ROBO2: variants seen among roughly 807,000 people sequenced by gnomAD.
The protein encoded by ROBO2 is roundabout guidance receptor 2.
A neutral mutation model predicts 160.8 loss-of-function variants in ROBO2; 53 were observed. The ratio of observed to expected loss-of-function variants is 0.33; its 90% CI spans 0.26 to 0.41. The LOEUF is 0.41. Ranked by LOEUF, ROBO2 falls within the 10% of genes least tolerant of loss-of-function variation. ROBO2 has a pLI of 1.00. For synonymous variants in ROBO2, 664 were observed against 611.7 expected, an observed-to-expected ratio of 1.09 and a Z score of -1.26; for missense variants, 1,577 against 1,722.4, an observed-to-expected ratio of 0.92 and a Z score of 1.49.
intron 2 of ROBO2, among the ~76,000 whole-genome samples, chr3:77,365,184 G>A (rs2070671615): frequency 6.6e-6 from 1 of 151,250 alleles, no homozygotes; most frequent in Non-Finnish European, 1.5e-5. Context: ...AAAAGAAGAG[G>A]TTCTAAGACT....
At chr3:76,657,364 G>T (rs1243936871) in intron 2 of ROBO2, among the ~76,000 whole-genome samples, 1 of 151,590 alleles carries the variant, frequency 6.6e-6, no homozygotes, top group East Asian at 2.0e-4. Context: ...GGCCAAGCTT[G>T]CAGTGAGCCG....
chr3:76,398,629 A>G (rs965269374), intron 2 of ROBO2, among the ~76,000 whole-genome samples: 3 of 151,450 alleles, frequency 2.0e-5, no homozygotes, highest in Non-Finnish European at 4.4e-5. Context: ...CACTAAACTA[A>G]TATAAATTAT....
chr3:77,005,223 C>T (rs1014116510), intron 2 of ROBO2, among the ~76,000 whole-genome samples: 3 of 152,128 alleles, frequency 2.0e-5, no homozygotes, highest in East Asian at 1.9e-4. Context: ...TGCTGTGGTG[C>T]GCCAGGTGCT....
At chr3:77,025,928 G>A (rs1022323082) in intron 2 of ROBO2, among the ~76,000 whole-genome samples, 5 of 152,162 alleles carry the variant, frequency 3.3e-5, no homozygotes, top group Non-Finnish European at 7.3e-5. Flanking sequence ...TCTGCTACAA[G>A]CACCTCAATG....
chr3:76,749,109 G>A (rs2093938620), intron 2 of ROBO2, among the ~76,000 whole-genome samples: 1 of 151,560 alleles, frequency 6.6e-6, no homozygotes, highest in Non-Finnish European at 1.5e-5. Context: ...TTCATTTTTT[G>A]TAAAAATTAT....
At chr3:77,557,741 A>G (rs2093172282) in intron 8 of ROBO2, among the ~76,000 whole-genome samples, 1 of 151,992 alleles carries the variant, frequency 6.6e-6, no homozygotes, top group South Asian at 2.1e-4. Flanking sequence ...TGGCCTTAGT[A>G]TAGTATATAT....
At chr3:76,389,507 G>C (rs568338647) in intron 2 of ROBO2, among the ~76,000 whole-genome samples, 1 of 152,172 alleles carries the variant, frequency 6.6e-6, no homozygotes, top group Admixed American at 6.5e-5. Context: ...CTTGAACTAT[G>C]ATTTCTTGTT....
chr3:76,039,740 T>G (rs1318512485), intron 2 of ROBO2, among the ~76,000 whole-genome samples: 1 of 152,060 alleles, frequency 6.6e-6, no homozygotes, highest in Non-Finnish European at 1.5e-5. Context: ...CTTACCTTGT[T>G]GAGCCTCTAT....
intron 2 of ROBO2, among the ~76,000 whole-genome samples, chr3:76,982,003 T>G (rs1327949298): frequency 1.3e-5 from 2 of 152,176 alleles, no homozygotes; most frequent in Non-Finnish European, 2.9e-5. Flanking sequence ...GGGGATTACA[T>G]TTCAACATGA....
chr3:77,382,838 C>T (rs2153489168), intron 2 of ROBO2, among the ~76,000 whole-genome samples: 1 of 152,256 alleles, frequency 6.6e-6, no homozygotes, highest in South Asian at 2.1e-4. Flanking sequence ...ATTTAGGTTG[C>T]TTCCATATCT....
chr3:77,146,695 T>TG (rs1553797374), intron 2 of ROBO2, among the ~76,000 whole-genome samples: 2 of 151,986 alleles, frequency 1.3e-5, no homozygotes, highest in Non-Finnish European at 2.9e-5. Context: ...TGGCCAGGCA[T>TG]GGTGGCTCAC....
intron 2 of ROBO2, among the ~76,000 whole-genome samples, chr3:76,225,081 A>G (rs1704201718): frequency 6.6e-6 from 1 of 152,182 alleles, no homozygotes; most frequent in South Asian, 2.1e-4. Flanking sequence ...TAACTAGTAA[A>G]TATAAATATT....
At chr3:77,498,540 A>G (rs984148583) in intron 5 of ROBO2, among the ~76,000 whole-genome samples, 1 of 152,196 alleles carries the variant, frequency 6.6e-6, no homozygotes, top group African/African-American at 2.4e-5. Context: ...TTTTAGTTCC[A>G]TGAAATGTGA....
chr3:77,060,790 C>T (rs150379139), intron 1 of ROBO2, among the ~76,000 whole-genome samples: 61 of 152,298 alleles, frequency 4.0e-4, no homozygotes, highest in African/African-American at 1.4e-3. Flanking sequence ...ATTCTTCCCT[C>T]TCTGTCTTTT....
intron 2 of ROBO2, among the ~76,000 whole-genome samples, chr3:76,668,746 GAA>G (rs11370978): frequency 4.0e-5 from 6 of 149,652 alleles, no homozygotes; most frequent in East Asian, 3.9e-4. Flanking sequence ...CAAACTCAGA[GAA>G]AAAAAAAAAA....
At chr3:76,955,558 G>A (rs947266157) in intron 2 of ROBO2, among the ~76,000 whole-genome samples, 3 of 152,064 alleles carry the variant, frequency 2.0e-5, no homozygotes, top group African/African-American at 4.8e-5. Flanking sequence ...CAGGTGTGAA[G>A]TGTTATGCAT....
At chr3:76,317,363 A>G (rs1177169078) in intron 2 of ROBO2, among the ~76,000 whole-genome samples, 4 of 152,240 alleles carry the variant, frequency 2.6e-5, no homozygotes, top group Non-Finnish European at 4.4e-5. Context: ...TATCATTTAA[A>G]TGTCAGTTTT....
chr3:77,188,028 G>A (rs1379144846), intron 2 of ROBO2, among the ~76,000 whole-genome samples: 1 of 147,000 alleles, frequency 6.8e-6, no homozygotes, highest in Non-Finnish European at 1.5e-5. Flanking sequence ...TTTCAAAGAA[G>A]GTGAATGAGT....
intron 2 of ROBO2, among the ~76,000 whole-genome samples, chr3:76,414,009 C>T (rs1299197749): frequency 6.6e-6 from 1 of 152,242 alleles, no homozygotes; most frequent in East Asian, 1.9e-4. Context: ...AGGCAAAAGG[C>T]ACTTCTTACC....
Sources: gnomAD v4.1 joint callset for allele counts (sites outside exome capture counted in the v4.1 genomes callset) on GRCh38, gnomAD v4.1.1 for gene constraint, MANE v1.5 for transcripts, NCBI Gene and HGNC (gene_info 2026-07-23, HGNC 2026-07-21) for gene names.